COG5: variants seen among roughly 807,000 people sequenced by gnomAD.
COG5 encodes the protein component of oligomeric golgi complex 5.
COG5 carries 86 observed loss-of-function variants against 110.4 expected under a neutral mutation model. That is an observed-to-expected ratio of 0.78 (90% CI 0.65 to 0.93). The LOEUF (loss-of-function observed/expected upper bound fraction) is 0.93. Ranked by LOEUF, COG5 falls within the 40% of genes least tolerant of loss-of-function variation. The pLI is 0.00. For missense variants in COG5, 1,077 were observed against 987.0 expected, an observed-to-expected ratio of 1.09 and a Z score of -1.22; for synonymous variants, 360 against 334.6, an observed-to-expected ratio of 1.08 and a Z score of -0.83.
rs200895224 is a variant in COG5 at position 107,211,231 on chromosome 7, C to A, written c.2169-6G>T. Reference sequence around the variant, plus strand: ...TTGCCTGGAAGAGCAGAGGTCTAGACGGGAAAAACAGAAGTTATTTCACAC... The same window carrying A: ...TTGCCTGGAAGAGCAGAGGTCTAGAAGGGAAAAACAGAAGTTATTTCACAC... On this transcript the variant is annotated splice_polypyrimidine_tract_variant and splice_region_variant and intron_variant, in intron 19 of 21. Transcript: ENST00000297135. 1 of 1,613,646 alleles carries A rather than the reference C, an allele frequency of 6.2e-7. No individual in the cohort carries two copies. The highest frequency in any genetic ancestry group is 1.7e-5 in the Admixed American group (1 of 60,008).
intron 6 of COG5, among the ~76,000 whole-genome samples, chr7:107,521,231 T>C (rs933028948): frequency 7.2e-5 from 11 of 152,320 alleles, no homozygotes; most frequent in African/African-American, 2.6e-4. Flanking sequence ...GGCATGGGCA[T>C]GGGCAAAGAT....
At chr7:107,258,463 T>TACACACAC in intron 14 of COG5, 80 bp from the exon 15 acceptor site, 1 of 608,984 alleles carries the variant, frequency 1.6e-6, no homozygotes, top group South Asian at 1.9e-5. Flanking sequence ...CACACACACA[T>TACACACAC]ACACACACAC....
intron 7 of COG5, among the ~76,000 whole-genome samples, chr7:107,379,717 A>T (rs1433206002): frequency 6.6e-6 from 1 of 152,186 alleles, no homozygotes; most frequent in Non-Finnish European, 1.5e-5. Flanking sequence ...GATTAATGCA[A>T]CAAGACGAGC....
intron 3 of COG5, among the ~76,000 whole-genome samples, chr7:107,553,269 T>A (rs1584960436): frequency 6.6e-6 from 1 of 152,214 alleles, no homozygotes; most frequent in Non-Finnish European, 1.5e-5. Flanking sequence ...TAATAGTAAT[T>A]AATTTCCAGT....
chr7:107,362,011 A>T (rs1417416133), intron 10 of COG5, 22 bp downstream of exon 10: 1 of 1,501,240 alleles, frequency 6.7e-7, no homozygotes, highest in Non-Finnish European at 9.2e-7. Flanking sequence ...AAAGATGTAA[A>T]AATATTTTCC....
At chr7:107,273,875 T>C (rs1372047359) in intron 14 of COG5, among the ~76,000 whole-genome samples, 1 of 152,164 alleles carries the variant, frequency 6.6e-6, no homozygotes. Flanking sequence ...GAATATTATA[T>C]GCCTGTGGTA....
chr7:107,432,034 G>A (rs947528505), intron 6 of COG5, among the ~76,000 whole-genome samples: 3 of 152,074 alleles, frequency 2.0e-5, no homozygotes, highest in Admixed American at 6.5e-5. Flanking sequence ...GTGTGTGTGT[G>A]TTTGTGTGTG....
At chr7:107,430,898 T>C (rs912370428) in intron 6 of COG5, among the ~76,000 whole-genome samples, 1 of 151,966 alleles carries the variant, frequency 6.6e-6, no homozygotes, top group African/African-American at 2.4e-5. Context: ...GTGGGAGATT[T>C]GATTACAGAA....
chr7:107,324,274 T>C (rs1809562681), intron 11 of COG5, among the ~76,000 whole-genome samples, 166 bp downstream of exon 11: 1 of 152,160 alleles, frequency 6.6e-6, no homozygotes, highest in Admixed American at 6.5e-5. Flanking sequence ...TGAATATATG[T>C]CTAGGAGATT....
chr7:107,441,250 C>T (rs1443636759), intron 6 of COG5, among the ~76,000 whole-genome samples: 10 of 99,200 alleles, frequency 1.0e-4, no homozygotes, highest in African/African-American at 4.5e-4. Context: ...AGTGAGACTC[C>T]GTCTCAAAAA....
intron 6 of COG5, among the ~76,000 whole-genome samples, chr7:107,484,743 A>G (rs1349428469): frequency 1.3e-5 from 2 of 152,256 alleles, no homozygotes; most frequent in Non-Finnish European, 2.9e-5. Flanking sequence ...ATGTACAATA[A>G]TAACATCAAA....
chr7:107,358,569 T>C lies in COG5; in HGVS notation c.1026+3464A>G, dbSNP rs543768290. Among the ~76,000 whole-genome samples, 5 of 152,322 alleles carry C rather than the reference T, an allele frequency of 3.3e-5. No homozygotes were observed. The East Asian group carries it at 9.6e-4, about 29-fold the overall frequency. ...CAGGAAATCCTGATTGCAAGGTTGG[T>C]ATTTGGCTAGCATCTAGGAACTCAG... is the stretch of plus-strand genomic sequence containing the variant. On this transcript the variant is annotated intron_variant, in intron 10 of 21. Transcript: ENST00000297135.
chr7:107,345,569 A>C (rs1811528698), intron 10 of COG5, among the ~76,000 whole-genome samples: 1 of 152,122 alleles, frequency 6.6e-6, no homozygotes, highest in African/African-American at 2.4e-5. Context: ...GGGGTAGGGA[A>C]ATGGGAGGTG....
At chr7:107,253,082 C>CAGTG (rs759926320) in intron 16 of COG5, 13 of 152,026 alleles carry the variant, frequency 8.6e-5, no homozygotes, top group Non-Finnish European at 1.5e-5. Flanking sequence ...AGATCCTGGA[C>CAGTG]AGTGAAACAA....
At chr7:107,370,105 G>A (rs181093727) in intron 8 of COG5, among the ~76,000 whole-genome samples, 6 of 151,660 alleles carry the variant, frequency 4.0e-5, no homozygotes, top group Admixed American at 6.6e-5. Context: ...ATATATGTGC[G>A]TGTGTGTATA....
intron 16 of COG5, among the ~76,000 whole-genome samples, chr7:107,256,108 A>T (rs565435436): frequency 6.6e-6 from 1 of 152,254 alleles, no homozygotes; most frequent in East Asian, 1.9e-4. Context: ...TGAATCTCAT[A>T]CCATTATTGT....
Position 107,201,625 on chromosome 7 carries a change from A to G in COG5, c.*1891T>C, listed in dbSNP as rs140869666. On this transcript the variant is annotated 3_prime_UTR_variant, in exon 22 of 22. Transcript: ENST00000297135. Reference sequence around the variant, plus strand: ...TCCATTAGAGCATTAAGCTAAAACTATCAACATTTTAAACCAAATTGCCTT... The same window carrying G: ...TCCATTAGAGCATTAAGCTAAAACTGTCAACATTTTAAACCAAATTGCCTT... 5.7e-4 allele frequency: 249 copies of G among 436,512 alleles called. 2 individuals carry two copies. The highest frequency in any genetic ancestry group is 2.5e-3 in the Middle Eastern group (5 of 2,008). 27.0% of individuals were successfully genotyped at this position (436,512 alleles called of 1,614,324 possible).
chr7:107,396,048 A>G (rs73724068), intron 7 of COG5, among the ~76,000 whole-genome samples: 2,009 of 152,272 alleles, frequency 0.013, 50 homozygotes, highest in African/African-American at 0.045. Context: ...TGACAACTAT[A>G]TAACAGGACA....
At chr7:107,407,693 G>A (rs1236219521) in intron 7 of COG5, among the ~76,000 whole-genome samples, 1 of 148,712 alleles carries the variant, frequency 6.7e-6, no homozygotes, top group Admixed American at 6.7e-5. Flanking sequence ...AATCAGGAAA[G>A]GCTATTTGGG....
Sources: gnomAD v4.1 joint callset for allele counts (sites outside exome capture counted in the v4.1 genomes callset) on GRCh38, gnomAD v4.1.1 for gene constraint, MANE v1.5 for transcripts, NCBI Gene and HGNC (gene_info 2026-07-23, HGNC 2026-07-21) for gene names.